The following HNRNPAB variants were observed in gnomAD, a reference collection of about 807,000 sequenced individuals.
HNRNPAB encodes the protein heterogeneous nuclear ribonucleoprotein A/B.
HNRNPAB carries 17 observed loss-of-function variants against 44.1 expected under a neutral mutation model. That is an observed-to-expected ratio of 0.39 (90% CI 0.26 to 0.58). The LOEUF (loss-of-function observed/expected upper bound fraction) is 0.58. HNRNPAB is among the 20% of genes least tolerant of loss of function. The pLI, the probability that HNRNPAB is intolerant of heterozygous loss-of-function variation, is 0.63. For missense variants in HNRNPAB, 393 were observed against 432.7 expected (o/e 0.91, Z 0.81); for synonymous variants, 183 against 167.6 (o/e 1.09, Z -0.71).
rs776924287 is a variant in HNRNPAB, at chr5:178,209,428, AGGTGGT to A, written c.774_779del (p.Gly262_Gly263del). The A allele has an allele frequency of 6.2e-7, 1 of 1,613,918 alleles. No homozygotes were observed. ...GCAACCGAGGGAACCGAGGCAGCGG[AGGTGGT>A]GGTGGAGGTGGAGGTGAGTGGAACG... is the stretch of plus-strand genomic sequence containing the variant. On this transcript the variant is annotated inframe_deletion, in exon 6 of 8. Coordinates refer to ENST00000358344, the MANE Select transcript of HNRNPAB (RefSeq NM_031266.3).
At position 178,210,541 on chromosome 5, in the gene HNRNPAB, T is replaced by C. The variant is rs1184154741; in HGVS notation, c.929-12T>C. The C allele has an allele frequency of 3.7e-6, 6 of 1,613,290 alleles. No homozygotes were observed. The highest frequency in any genetic ancestry group is 5.1e-6 in the Non-Finnish European group (6 of 1,179,344). On this transcript the variant is annotated splice_polypyrimidine_tract_variant and intron_variant, in intron 7 of 7. Transcript: ENST00000358344. ...TGTAAATAGTAGCTGCTATGGTTGT[T>C]CTCGTCCCTAGGTCAGGGTAGTACA...
intron 1 of HNRNPAB, 36 bp from the exon 2 acceptor site, chr5:178,204,779 C>G: frequency 8.9e-7 from 1 of 1,120,100 alleles, no homozygotes; most frequent in Non-Finnish European, 1.1e-6. Flanking sequence ...TGGCGGGAGC[C>G]GCGCCGGCCT....
Position 178,204,970 on chromosome 5 carries a change from G to A in HNRNPAB, c.133G>A (p.Ala45Thr). ...CGCGGCGGGGGCTGGAGGCGCGACC[G>A]CGGCGCCCCCGAGCGGGAATCAGAA... ...GAAAGAGGAT[A>T]APPSGNQNGA... Residue 45 changes from alanine (A) to threonine (T), a missense_variant, in exon 2 of 8, where the codon GCG becomes ACG. By Grantham distance (58) the Ala-to-Thr change is moderately conservative. This residue lies in a region of HNRNPAB where 81 missense variants were observed against 73.4 expected (regional missense o/e 1.10). Transcript: ENST00000358344. 8.3e-7 allele frequency: 1 copy of A among 1,209,308 alleles called. No homozygotes were observed. Among genetic ancestry groups the A allele is most frequent in the Non-Finnish European group, 1.0e-6 (1 of 973,538 alleles). 74.9% of individuals were successfully genotyped at this position (1,209,308 alleles called of 1,614,324 possible).
chr5:178,206,622 A>C (rs1376504111), intron 3 of HNRNPAB, 110 bp from the exon 4 acceptor site: 6 of 1,062,466 alleles, frequency 5.6e-6, no homozygotes, highest in South Asian at 4.6e-5. Context: ...TAGAATTTGG[A>C]GGGGGTGAAA....
rs1433900238 is a variant in HNRNPAB at position 178,210,629 on chromosome 5, C to G, written c.*6C>G. The G allele has an allele frequency of 6.2e-7, 1 of 1,611,320 alleles. No homozygotes were observed. ...ATAACTACAAGCCATACTGAGGCGGCAGCAGGAGCGACCAACTGATCGCAC... is the reference window on the plus strand; with the variant it reads ...ATAACTACAAGCCATACTGAGGCGGGAGCAGGAGCGACCAACTGATCGCAC... On this transcript the variant is annotated 3_prime_UTR_variant, in exon 8 of 8. Coordinates refer to ENST00000358344, the MANE Select transcript of HNRNPAB (RefSeq NM_031266.3).
At chr5:178,207,688 GCAC>G (rs1292852952) in intron 5 of HNRNPAB, among the ~76,000 whole-genome samples, 1 of 122,898 alleles carries the variant, frequency 8.1e-6, no homozygotes, top group Non-Finnish European at 1.6e-5. Flanking sequence ...TCCACTTTGA[GCAC>G]TTTTTTTTTT....
intron 5 of HNRNPAB, among the ~76,000 whole-genome samples, chr5:178,207,834 C>T (rs1757153128): frequency 6.6e-6 from 1 of 151,606 alleles, no homozygotes; most frequent in Admixed American, 6.6e-5. Context: ...TCTCGAGTAG[C>T]TGGGACCACA....
At position 178,209,444 on chromosome 5, in the gene HNRNPAB, G is replaced by A; in HGVS notation, c.784G>A (p.Gly262Arg). 1.2e-6 allele frequency: 2 copies of A among 1,613,554 alleles called. No homozygotes were observed. Among genetic ancestry groups the A allele is most frequent in the Non-Finnish European group, 1.7e-6 (2 of 1,179,450 alleles). Residue 262 changes from glycine (G) to arginine (R), a missense_variant, in exon 6 of 8, where the codon GGA becomes AGA. Physicochemically the swap from Gly to Arg is moderately radical, Grantham distance 125 (BLOSUM62 -2). Around this residue, in one of 3 missense-constraint regions of HNRNPAB, gnomAD observed 210 missense variants for 196.9 expected, o/e 1.07. Transcript: ENST00000358344. ...AGGCAGCGGAGGTGGTGGTGGAGGT[G>A]GAGGTGAGTGGAACGTGGATGAAGA... ...NRGSGGGGGG[G>R]GQSQSWNQGY... is the part of the protein sequence containing the mutation.
chr5:178,206,645 T>C, intron 3 of HNRNPAB, 87 bp from the exon 4 acceptor site: 1 of 1,300,794 alleles, frequency 7.7e-7, no homozygotes, highest in Non-Finnish European at 1.1e-6. Flanking sequence ...CATGTTTGTA[T>C]CTGTACTGGT....
chr5:178,208,251 C>T (rs1187396161), intron 5 of HNRNPAB, among the ~76,000 whole-genome samples: 2 of 152,152 alleles, frequency 1.3e-5, no homozygotes, highest in Non-Finnish European at 1.5e-5. Context: ...TAAGGTGGGA[C>T]AGGTGGAACT....
intron 2 of HNRNPAB, 128 bp from the exon 3 acceptor site, chr5:178,205,714 C>G: frequency 1.2e-6 from 1 of 810,194 alleles, no homozygotes; most frequent in Non-Finnish European, 2.0e-6. Flanking sequence ...TAACATCTTT[C>G]TAAGGTGCTC....
chr5:178,208,395 C>T (rs1040912506), intron 5 of HNRNPAB: 1 of 152,118 alleles, frequency 6.6e-6, no homozygotes, highest in African/African-American at 2.4e-5. Context: ...TGATAGAGGC[C>T]TTTTTCTCTA....
At position 178,210,797 on chromosome 5, in the gene HNRNPAB, G is replaced by C; in HGVS notation, c.*174G>C. ...CCTGTTGACTATTTCCAGAGCTCTA[G>C]GTGTTTAGGCAGCGTGTGGTGTCTG... On this transcript the variant is annotated 3_prime_UTR_variant, in exon 8 of 8. Transcript: ENST00000358344. 3 of 634,202 alleles carry C rather than the reference G, an allele frequency of 4.7e-6. No homozygotes were observed. The highest frequency in any genetic ancestry group is 2.8e-5 in the East Asian group (1 of 36,162). 39.3% of individuals were successfully genotyped at this position (634,202 alleles called of 1,614,324 possible).
intron 5 of HNRNPAB, among the ~76,000 whole-genome samples, chr5:178,207,589 G>C (rs1291407603): frequency 6.6e-6 from 1 of 151,746 alleles, no homozygotes; most frequent in South Asian, 2.1e-4. Context: ...TAGAACTTCT[G>C]CAACTCACTG....
chr5:178,205,763 CT>C (rs1757032376), intron 2 of HNRNPAB, 78 bp from the exon 3 acceptor site: 2 of 1,430,582 alleles, frequency 1.4e-6, no homozygotes, highest in African/African-American at 2.8e-5. Flanking sequence ...TTCGTGAGAA[CT>C]TTGCCAGGGC....
At chr5:178,206,657 T>G (rs1757074061) in intron 3 of HNRNPAB, 75 bp from the exon 4 acceptor site, 1 of 1,434,342 alleles carries the variant, frequency 7.0e-7, no homozygotes, top group Non-Finnish European at 9.7e-7. Context: ...TGTACTGGTG[T>G]CTTTATGGCT....
At chr5:178,210,293 C>T in intron 7 of HNRNPAB, 21 bp downstream of exon 7, 7 of 1,613,964 alleles carry the variant, frequency 4.3e-6, no homozygotes, top group Non-Finnish European at 5.9e-6. Flanking sequence ...GAGAGGGAGG[C>T]CCCATCCGCT....
At chr5:178,209,581 AG>A in intron 6 of HNRNPAB, 134 bp downstream of exon 6, 2 of 719,912 alleles carry the variant, frequency 2.8e-6, no homozygotes, top group Non-Finnish European at 4.8e-6. Context: ...GAACAGGAAT[AG>A]GAACGGCTCT....
chr5:178,206,582 T>C (rs770050964), intron 3 of HNRNPAB, 150 bp from the exon 4 acceptor site: 1 of 754,498 alleles, frequency 1.3e-6, no homozygotes, highest in Non-Finnish European at 2.2e-6. Context: ...TGAGGTTTGA[T>C]GAAAATTGGG....
Sources: gnomAD v4.1 joint callset for allele counts (sites outside exome capture counted in the v4.1 genomes callset) on GRCh38, gnomAD v4.1.1 for gene constraint, gnomAD v4.1.1 regional missense constraint, MANE v1.5 for transcripts, NCBI Gene and HGNC (gene_info 2026-07-23, HGNC 2026-07-21) for gene names.